RGS6: variants seen among roughly 807,000 people sequenced by gnomAD.
RGS6 encodes the protein regulator of G protein signaling 6.
Under a neutral mutation model 78.5 loss-of-function variants are expected in RGS6, and 30 were observed. The ratio of observed to expected loss-of-function variants is 0.38; its 90% CI spans 0.29 to 0.52. RGS6 has a LOEUF of 0.52. Among genes scored for constraint, RGS6 ranks in the 20% least tolerant of loss-of-function variants. RGS6 has a pLI of 0.85. For synonymous variants in RGS6, 206 were observed against 206.0 expected, an observed-to-expected ratio of 1.00 and a Z score of 0.00; for missense variants, 495 against 609.7, an observed-to-expected ratio of 0.81 and a Z score of 1.98.
rs547588524 is a variant in RGS6, at chr14:72,224,867, A to C, written c.85-127228A>C. 1.1e-4 allele frequency among the ~76,000 whole-genome samples: 17 copies of C among 152,306 alleles called. 1 individual carries two copies. In the East Asian group the frequency reaches 2.9e-3, roughly 26 times the overall value. ...GTAGCTCCACCTATGACTCAGCCAT[A>C]GCAAGCAGGGAAAGGCCATGGTTTG... On this transcript the variant is annotated intron_variant, in intron 2 of 17. Coordinates refer to ENST00000553525, the MANE Select transcript of RGS6 (RefSeq NM_001204424.2).
chr14:71,914,901 G>A, the RGS6 span, among the ~76,000 whole-genome samples: 2 of 151,836 alleles, frequency 1.3e-5, no homozygotes, highest in African/African-American at 2.4e-5. Flanking sequence ...AATTGATACA[G>A]AGTGACATAA....
intron 3 of RGS6, among the ~76,000 whole-genome samples, chr14:72,352,926 A>T (rs1490086230): frequency 6.6e-6 from 1 of 152,240 alleles, no homozygotes; most frequent in Non-Finnish European, 1.5e-5. Context: ...ATAAATTAAG[A>T]TAAAATTTTA....
intron 2 of RGS6, among the ~76,000 whole-genome samples, chr14:72,271,137 C>T (rs1470909278): frequency 1.3e-5 from 2 of 152,180 alleles, no homozygotes; most frequent in African/African-American, 2.4e-5. Flanking sequence ...TATTGTTCCT[C>T]TCGTTTCACC....
In RGS6 at chr14:72,242,879, C is replaced by T. The variant is rs1255071718; in HGVS notation, c.85-109216C>T. ...TTTTTTTTTTTTTGAGATGGAGTCT[C>T]GCTCTGTCATCCAGGCTGGAGTGCA... On this transcript the variant is annotated intron_variant, in intron 2 of 17. Coordinates refer to ENST00000553525, the MANE Select transcript of RGS6 (RefSeq NM_001204424.2). Among the ~76,000 whole-genome samples, 33 of 112,892 alleles carry T rather than the reference C, an allele frequency of 2.9e-4. 1 individual carries two copies. Among genetic ancestry groups the T allele is most frequent in the East Asian group, 8.9e-4 (3 of 3,380 alleles). 74.1% of individuals were successfully genotyped at this position (112,892 alleles called of 152,430 possible). A position where few individuals can be genotyped will look rare whatever the true frequency, so the allele number is the denominator to read the frequency against.
Position 72,476,801 on chromosome 14 carries a change from A to G in RGS6, c.753A>G (p.Gln251=), listed in dbSNP as rs747275738. Residue 251 remains glutamine (Q), a synonymous_variant, in exon 11 of 18, where the codon CAA becomes CAG. Coordinates refer to ENST00000553525, the MANE Select transcript of RGS6 (RefSeq NM_001204424.2). ...QAQSPVHVLS[Q]PIRKTTKEDI... ...AGAGCCCGGTGCATGTACTCAGCCAACCAATCAGGAAAACAACAAAAGAGG... is the reference window on the plus strand; with the variant it reads ...AGAGCCCGGTGCATGTACTCAGCCAGCCAATCAGGAAAACAACAAAAGAGG... 11 of 1,614,058 alleles carry G rather than the reference A, an allele frequency of 6.8e-6. No homozygotes were observed. Among genetic ancestry groups the G allele is most frequent in the Middle Eastern group, 3.3e-4 (2 of 6,084 alleles).
intron 3 of RGS6, among the ~76,000 whole-genome samples, chr14:72,420,477 A>C (rs932254823): frequency 2.0e-5 from 3 of 152,202 alleles, no homozygotes; most frequent in African/African-American, 7.2e-5. Context: ...TCATTGCTGC[A>C]TAATTTGTGA....
chr14:72,194,991 T>G (rs1347709180), intron 2 of RGS6, among the ~76,000 whole-genome samples: 1 of 152,120 alleles, frequency 6.6e-6, no homozygotes, highest in Admixed American at 6.5e-5. Flanking sequence ...GCGGATCGCT[T>G]GAGGTCAGGA....
At chr14:72,386,394 C>T (rs1384207612) in intron 3 of RGS6, among the ~76,000 whole-genome samples, 1 of 152,066 alleles carries the variant, frequency 6.6e-6, no homozygotes, top group Non-Finnish European at 1.5e-5. Context: ...AAAAATTAGC[C>T]AGGCATGGTT....
chr14:72,340,011 C>T (rs982691518), intron 2 of RGS6, among the ~76,000 whole-genome samples: 2 of 152,084 alleles, frequency 1.3e-5, no homozygotes, highest in African/African-American at 4.8e-5. Context: ...CCTCAAGGGG[C>T]CCCTCTGCTA....
At chr14:72,502,239 C>T (rs1475731826) in intron 13 of RGS6, among the ~76,000 whole-genome samples, 3 of 152,178 alleles carry the variant, frequency 2.0e-5, no homozygotes, top group African/African-American at 7.2e-5. Flanking sequence ...GGTCAGTAGC[C>T]TCTGCTGAGC....
chr14:72,275,574 G>T (rs1217488669), intron 2 of RGS6, among the ~76,000 whole-genome samples: 2 of 152,180 alleles, frequency 1.3e-5, no homozygotes, highest in African/African-American at 4.8e-5. Context: ...TTACATAGAG[G>T]CTAAAGCCTC....
intron 3 of RGS6, among the ~76,000 whole-genome samples, chr14:72,447,632 T>G (rs2095398296): frequency 6.6e-6 from 1 of 152,184 alleles, no homozygotes; most frequent in Non-Finnish European, 1.5e-5. Flanking sequence ...TTAATGCTTA[T>G]GATATGTCAG....
At chr14:72,502,458 GGTTT>G (rs2096739658) in intron 13 of RGS6, among the ~76,000 whole-genome samples, 1 of 152,128 alleles carries the variant, frequency 6.6e-6, no homozygotes, top group Admixed American at 6.5e-5. Context: ...ATTTTAGGAT[GGTTT>G]GTTACACAGC....
At chr14:71,937,698 G>A (rs1346468674) in intron 1 of RGS6, among the ~76,000 whole-genome samples, 1 of 152,228 alleles carries the variant, frequency 6.6e-6, no homozygotes, top group Non-Finnish European at 1.5e-5. Flanking sequence ...GGAATACCAC[G>A]ATGGTGGATA....
intron 1 of RGS6, among the ~76,000 whole-genome samples, chr14:71,959,356 T>C (rs979272270): frequency 1.3e-5 from 2 of 152,170 alleles, no homozygotes; most frequent in Admixed American, 1.3e-4. Context: ...TGGGTTTTAA[T>C]GGGCTGAGGC....
intron 1 of RGS6, among the ~76,000 whole-genome samples, chr14:71,959,526 G>A (rs898711419): frequency 6.6e-6 from 1 of 152,234 alleles, no homozygotes; most frequent in African/African-American, 2.4e-5. Flanking sequence ...GGCACTAAGA[G>A]TGGCAGGCAT....
intron 3 of RGS6, among the ~76,000 whole-genome samples, chr14:72,398,349 A>G (rs188135114): frequency 6.6e-6 from 1 of 152,276 alleles, no homozygotes; most frequent in Admixed American, 6.5e-5. Flanking sequence ...AGAGGTGTTT[A>G]TAGTATTCTC....
At chr14:72,212,952 C>A (rs1324912845) in intron 2 of RGS6, among the ~76,000 whole-genome samples, 3 of 152,200 alleles carry the variant, frequency 2.0e-5, no homozygotes, top group East Asian at 3.9e-4. Context: ...ACCTGACCAC[C>A]TATCCCTTTT....
intron 15 of RGS6, among the ~76,000 whole-genome samples, chr14:72,535,414 G>T (rs143007079): frequency 6.6e-6 from 1 of 152,142 alleles, no homozygotes; most frequent in Non-Finnish European, 1.5e-5. Flanking sequence ...TTTGAGATAC[G>T]TATTGATTCT....
Sources: gnomAD v4.1 joint callset for allele counts (sites outside exome capture counted in the v4.1 genomes callset) on GRCh38, gnomAD v4.1.1 for gene constraint, MANE v1.5 for transcripts, NCBI Gene and HGNC (gene_info 2026-07-23, HGNC 2026-07-21) for gene names.